The following PAX3 variants were observed in gnomAD, a reference collection of about 807,000 sequenced individuals.
PAX3 encodes paired box protein Pax-3.
Under a neutral mutation model 51.6 loss-of-function variants are expected in PAX3, and 14 were observed. The observed-to-expected ratio is 0.27, with a 90% confidence interval of 0.18 to 0.42. PAX3 has a LOEUF of 0.42. Among genes scored for constraint, PAX3 ranks in the 10% least tolerant of loss-of-function variants. The pLI is 1.00. For missense variants in PAX3, 540 were observed against 642.8 expected (o/e 0.84, Z 1.73); for synonymous variants, 280 against 253.4 (o/e 1.11, Z -1.00).
intron 4 of PAX3, among the ~76,000 whole-genome samples, chr2:222,246,553 A>C (rs942874542): frequency 6.6e-6 from 1 of 152,214 alleles, no homozygotes; most frequent in Non-Finnish European, 1.5e-5. Flanking sequence ...TATTGATTTT[A>C]AATTAGAGAA....
chr2:222,279,652 A>G (rs140688366), intron 4 of PAX3, among the ~76,000 whole-genome samples: 5 of 152,226 alleles, frequency 3.3e-5, no homozygotes, highest in African/African-American at 1.2e-4. Flanking sequence ...AAGCACCAGA[A>G]ATTTCAATGT....
At chr2:222,295,697 C>A in intron 2 of PAX3, 40 bp from the exon 3 acceptor site, 2 of 1,613,126 alleles carry the variant, frequency 1.2e-6, no homozygotes, top group Non-Finnish European at 1.7e-6. Context: ...TACCCGGTAC[C>A]CTGGGCCAGG....
rs372607388 is a variant in PAX3, at chr2:222,271,825, T to C, written c.586+22342A>G. On this transcript the variant is annotated intron_variant, in intron 4 of 8. Coordinates refer to ENST00000392070, the MANE Select transcript of PAX3 (RefSeq NM_181458.4). ...CCTAGCTACCTTCCCATTGGCAGTT[T>C]GAAAAAGATGCTTCTGAAATTCAGT... is the stretch of plus-strand genomic sequence containing the variant. Among the ~76,000 whole-genome samples the C allele has an allele frequency of 1.2e-4, 19 of 152,320 alleles. 1 individual carries two copies. The highest frequency in any genetic ancestry group is 1.2e-3 in the South Asian group (6 of 4,832).
chr2:222,273,167 C>T (rs1694308280), intron 4 of PAX3, among the ~76,000 whole-genome samples: 1 of 152,162 alleles, frequency 6.6e-6, no homozygotes, highest in Non-Finnish European at 1.5e-5. Flanking sequence ...TTCCAGCCAG[C>T]CTGGCAGGAC....
chr2:222,230,798 T>G (rs980858212), intron 5 of PAX3, among the ~76,000 whole-genome samples: 7 of 140,968 alleles, frequency 5.0e-5, no homozygotes, highest in Admixed American at 7.8e-5. Context: ...GAGGTTGCAG[T>G]GAGCTGAGGT....
intron 5 of PAX3, among the ~76,000 whole-genome samples, chr2:222,222,104 G>C (rs1048186924): frequency 3.9e-5 from 6 of 152,032 alleles, no homozygotes; most frequent in African/African-American, 1.5e-4. Flanking sequence ...ATTCAGAAAA[G>C]CCTGATACAA....
chr2:222,282,487 C>G (rs1005811624), intron 4 of PAX3, among the ~76,000 whole-genome samples: 5 of 152,100 alleles, frequency 3.3e-5, no homozygotes, highest in African/African-American at 1.2e-4. Flanking sequence ...TCAAGAAACC[C>G]CTAGAGCATC....
At chr2:222,212,938 C>T (rs891994548) in intron 7 of PAX3, among the ~76,000 whole-genome samples, 4 of 152,074 alleles carry the variant, frequency 2.6e-5, no homozygotes, top group Middle Eastern at 3.2e-3. Flanking sequence ...AGCAATAATG[C>T]TCATTTTTTT....
chr2:222,239,502 T>G (rs1379106513), intron 4 of PAX3, among the ~76,000 whole-genome samples: 1 of 151,932 alleles, frequency 6.6e-6, no homozygotes, highest in Non-Finnish European at 1.5e-5. Context: ...GTATATATGT[T>G]GAGAAAAGAA....
At chr2:222,243,819 G>T (rs1434351124) in intron 4 of PAX3, among the ~76,000 whole-genome samples, 1 of 152,184 alleles carries the variant, frequency 6.6e-6, no homozygotes, top group Non-Finnish European at 1.5e-5. Context: ...CTTGTTGGAA[G>T]ATTGAAAGAG....
chr2:222,201,695 T>G, intron 8 of PAX3: 3 of 1,448,746 alleles, frequency 2.1e-6, no homozygotes, highest in Middle Eastern at 5.1e-4. Flanking sequence ...CCAACCCTTG[T>G]GTTTTACCTA....
intron 4 of PAX3, among the ~76,000 whole-genome samples, chr2:222,274,378 A>G (rs901273816): frequency 2.6e-5 from 4 of 152,016 alleles, no homozygotes; most frequent in East Asian, 3.8e-4. Flanking sequence ...CAACTATAAA[A>G]ATAATCATCT....
chr2:222,211,607 G>A (rs1167037464), intron 7 of PAX3, among the ~76,000 whole-genome samples: 1 of 152,088 alleles, frequency 6.6e-6, no homozygotes, highest in East Asian at 1.9e-4. Flanking sequence ...AAATTCACCT[G>A]TGGAAAAAAT....
intron 1 of PAX3, 57 bp downstream of exon 1, chr2:222,298,474 T>A: frequency 2.8e-6 from 4 of 1,425,758 alleles, no homozygotes; most frequent in Non-Finnish European, 3.9e-6. Flanking sequence ...GGGGATGGGG[T>A]GAGGCAGCCG....
At chr2:222,276,572 G>C (rs1694429380) in intron 4 of PAX3, among the ~76,000 whole-genome samples, 1 of 152,210 alleles carries the variant, frequency 6.6e-6, no homozygotes, top group Admixed American at 6.5e-5. Context: ...CAGCCTGCTA[G>C]AGCTGGGAGA....
intron 4 of PAX3, among the ~76,000 whole-genome samples, chr2:222,283,781 A>G (rs1005479470): frequency 6.6e-6 from 1 of 152,256 alleles, no homozygotes; most frequent in African/African-American, 2.4e-5. Context: ...CAACAGCTGC[A>G]TAAACTGGCT....
chr2:222,278,562 G>A (rs1694515030), intron 4 of PAX3, among the ~76,000 whole-genome samples: 1 of 152,196 alleles, frequency 6.6e-6, no homozygotes, highest in Non-Finnish European at 1.5e-5. Flanking sequence ...CAAAAGCCAA[G>A]GCCCTTCCCT....
intron 4 of PAX3, among the ~76,000 whole-genome samples, chr2:222,270,036 C>A (rs1306152726): frequency 1.3e-5 from 2 of 152,236 alleles, no homozygotes; most frequent in Non-Finnish European, 2.9e-5. Context: ...GCAGTGGCCA[C>A]TGTCTGCATT....
At chr2:222,297,943 T>TC (rs1695393967) in intron 1 of PAX3, among the ~76,000 whole-genome samples, 1 of 152,122 alleles carries the variant, frequency 6.6e-6, no homozygotes, top group South Asian at 2.1e-4. Flanking sequence ...ACTTCCTGCC[T>TC]CCCCGGGATT....
Sources: allele counts gnomAD v4.1 joint callset (sites outside exome capture counted in the v4.1 genomes callset), GRCh38; gene constraint gnomAD v4.1.1; transcripts MANE v1.5; gene names NCBI Gene and HGNC (gene_info 2026-07-23, HGNC 2026-07-21).